OR51B5: variants seen among roughly 807,000 people sequenced by gnomAD.
The protein encoded by OR51B5 is olfactory receptor 51B5.
For synonymous variants in OR51B5, 186 were observed against 144.8 expected (o/e 1.28, Z -2.04); for missense variants, 456 against 374.6 (o/e 1.22, Z -1.79).
downstream of OR51B5, among the ~76,000 whole-genome samples, chr11:5,342,171 A>G (rs1848905628): frequency 6.6e-6 from 1 of 152,216 alleles, no homozygotes; most frequent in Non-Finnish European, 1.5e-5. Flanking sequence ...AATTCATAAG[A>G]GTTGGAAATT....
chr11:5,478,157 G>C (rs1037916873), intron 1 of OR51B5, among the ~76,000 whole-genome samples: 1 of 151,762 alleles, frequency 6.6e-6, no homozygotes, highest in Non-Finnish European at 1.5e-5. Flanking sequence ...CAAGCAGCTG[G>C]AGATCTGAGA....
chr11:5,362,575 C>A, intron 1 of OR51B5: 1 of 164,532 alleles, frequency 6.1e-6, no homozygotes, highest in Non-Finnish European at 1.3e-5. Context: ...TAACAGAAGT[C>A]TTCTGGTGGC....
At chr11:5,408,354 TCCTCCCTTCCTCCCTC>T (rs1283038198) in intron 1 of OR51B5, among the ~76,000 whole-genome samples, 2 of 54,134 alleles carry the variant, frequency 3.7e-5, no homozygotes, top group East Asian at 1.1e-3. Context: ...CTTCCTCCCT[TCCTCCCTTCCTCCCTC>T]CCTCCCTCCC....
chr11:5,431,666 C>T (rs10838097), intron 1 of OR51B5: 117,461 of 152,458 alleles, frequency 0.77, 46,320 homozygotes, highest in Non-Finnish European at 0.85. Context: ...AGTCCCCAAC[C>T]GTTGGATCTT....
intron 1 of OR51B5, among the ~76,000 whole-genome samples, chr11:5,451,898 G>A (rs1424903585): frequency 2.0e-5 from 3 of 152,126 alleles, no homozygotes; most frequent in African/African-American, 4.8e-5. Context: ...CCACGATGAG[G>A]CAATGAACAC....
chr11:5,343,708 T>G, upstream of OR51B5: 1 of 498,376 alleles, frequency 2.0e-6, no homozygotes, highest in Non-Finnish European at 3.5e-6. Flanking sequence ...ATTTGTATTC[T>G]TAACTGCACA....
At chr11:5,384,238 A>C (rs1158643136) in intron 1 of OR51B5, among the ~76,000 whole-genome samples, 1 of 152,062 alleles carries the variant, frequency 6.6e-6, no homozygotes, top group East Asian at 1.9e-4. Flanking sequence ...GCAGTGGTGT[A>C]ATCATAGCTC....
chr11:5,344,278 A>C (rs751051638), upstream of OR51B5, among the ~76,000 whole-genome samples: 17 of 152,236 alleles, frequency 1.1e-4, no homozygotes, highest in Non-Finnish European at 1.5e-5. Context: ...CATCACTTAT[A>C]ATAGTGTATC....
chr11:5,342,797 A>C, exon 1 of OR51B5: 1 of 1,613,710 alleles, frequency 6.2e-7, no homozygotes, highest in Non-Finnish European at 8.5e-7. Context: ...GACACAGCAG[A>C]TATGGGAGAC....
intron 1 of OR51B5, among the ~76,000 whole-genome samples, chr11:5,412,895 T>G (rs1443612982): frequency 6.6e-6 from 1 of 152,014 alleles, no homozygotes; most frequent in African/African-American, 2.4e-5. Flanking sequence ...AGCAGTAACC[T>G]CTGCAGACTT....
intron 1 of OR51B5, among the ~76,000 whole-genome samples, chr11:5,378,103 C>G (rs1161532980): frequency 6.6e-6 from 1 of 151,802 alleles, no homozygotes; most frequent in African/African-American, 2.4e-5. Flanking sequence ...TTACTGGTAC[C>G]AAAACACAGA....
chr11:5,430,768 G>C (rs189154707), intron 1 of OR51B5: 4 of 457,208 alleles, frequency 8.7e-6, no homozygotes, highest in Non-Finnish European at 1.8e-5. Flanking sequence ...GCAGATGCTA[G>C]ACATAAGTGT....
At chr11:5,351,117 T>A (rs925831268) in intron 1 of OR51B5, among the ~76,000 whole-genome samples, 1 of 152,198 alleles carries the variant, frequency 6.6e-6, no homozygotes, top group Non-Finnish European at 1.5e-5. Flanking sequence ...CCAGTCAGGA[T>A]GAAGAGCACC....
At position 5,388,198 on chromosome 11, in the gene OR51B5, G is replaced by C. The variant is rs570002876; in HGVS notation, n.85-41288C>G. ...CAAATAATATTTAAAGGATTCCAAT[G>C]ATATGGTGGCTAAAAAAGTCAATCC... On this transcript the variant is annotated intron_variant and non_coding_transcript_variant, in intron 1 of 4. Transcript: ENST00000415970. 1.2e-3 allele frequency among the ~76,000 whole-genome samples: 187 copies of C among 152,002 alleles called. 1 individual carries two copies. The highest frequency in any genetic ancestry group is 4.3e-3 in the African/African-American group (178 of 41,460).
intron 1 of OR51B5, among the ~76,000 whole-genome samples, chr11:5,371,395 G>T (rs2133707152): frequency 6.6e-6 from 1 of 152,090 alleles, no homozygotes; most frequent in Admixed American, 6.5e-5. Flanking sequence ...TGAGTTGTAG[G>T]CCGGAGATAT....
intron 1 of OR51B5, among the ~76,000 whole-genome samples, chr11:5,380,979 G>A (rs1849599489): frequency 6.6e-6 from 1 of 152,064 alleles, no homozygotes; most frequent in African/African-American, 2.4e-5. Flanking sequence ...TACAGACCTT[G>A]GGGATTCAGT....
chr11:5,365,141 C>G (rs765438026), intron 1 of OR51B5, among the ~76,000 whole-genome samples: 8 of 152,174 alleles, frequency 5.3e-5, no homozygotes. Flanking sequence ...TGCTAAATAA[C>G]TTTTCTTCTT....
At chr11:5,389,627 T>C (rs1230291804) in intron 1 of OR51B5, 5 of 1,613,636 alleles carry the variant, frequency 3.1e-6, no homozygotes, top group Non-Finnish European at 4.2e-6. Flanking sequence ...TCTACTATCC[T>C]TGCTGGCCCT....
chr11:5,376,443 G>A (rs1849529321), intron 1 of OR51B5, among the ~76,000 whole-genome samples: 1 of 152,156 alleles, frequency 6.6e-6, no homozygotes, highest in Non-Finnish European at 1.5e-5. Flanking sequence ...GCTAGCAGAA[G>A]TCAAGAAATA....
Sources: gnomAD v4.1 joint callset for allele counts (sites outside exome capture counted in the v4.1 genomes callset) on GRCh38, gnomAD v4.1.1 for gene constraint, MANE v1.5 for transcripts, NCBI Gene and HGNC (gene_info 2026-07-23, HGNC 2026-07-21) for gene names.